MLLT1: variants seen among roughly 807,000 people sequenced by gnomAD.
The protein encoded by MLLT1 is protein ENL.
In MLLT1, 11 loss-of-function variants were observed where a neutral mutation model predicts 55.1. That is an observed-to-expected ratio of 0.20 (90% confidence interval 0.13 to 0.33). The LOEUF is 0.33. Among genes scored for constraint, MLLT1 ranks in the 10% least tolerant of loss-of-function variants. The pLI is 1.00. For missense variants in MLLT1, 536 were observed against 760.6 expected, an observed-to-expected ratio of 0.70 and a Z score of 3.47; for synonymous variants, 323 against 320.1, an observed-to-expected ratio of 1.01 and a Z score of -0.10.
At chr19:6,241,805 C>T (rs902167452) in intron 3 of MLLT1, among the ~76,000 whole-genome samples, 7 of 152,262 alleles carry the variant, frequency 4.6e-5, no homozygotes, top group African/African-American at 1.7e-4. Context: ...CGCATCCATG[C>T]GGCTTGTCAC....
intron 1 of MLLT1, among the ~76,000 whole-genome samples, chr19:6,278,421 G>A (rs1416991697): frequency 3.5e-5 from 4 of 115,154 alleles, no homozygotes; most frequent in Middle Eastern, 3.8e-3. Context: ...CGTCCAGAGC[G>A]TTTAGGGAGG....
chr19:6,246,256 C>T (rs1015681667), intron 3 of MLLT1, among the ~76,000 whole-genome samples: 2 of 152,062 alleles, frequency 1.3e-5, no homozygotes, highest in African/African-American at 4.8e-5. Context: ...TTAAATAGAC[C>T]CATATCATGT....
chr19:6,211,830 G>A lies in MLLT1; in HGVS notation c.*1212C>T. On this transcript the variant is annotated 3_prime_UTR_variant, in exon 12 of 12. Transcript: ENST00000252674. This position sits in a 1 kb window ranked among gnomAD's most constrained non-coding sequence, Gnocchi z 4.6. ...GGAAGGAGGACCGGCTTGGCCCCTG[G>A]AGAATCTCAGGCATACCAGGAGTGG... 1 of 1,064,200 alleles carries A rather than the reference G, an allele frequency of 9.4e-7. No homozygotes were observed. Among genetic ancestry groups the A allele is most frequent in the Non-Finnish European group, 1.1e-6 (1 of 878,540 alleles). The allele number at this position is 1,064,200 out of a possible 1,614,324, so 65.9% of individuals were successfully genotyped here.
chr19:6,274,240 G>A (rs1046684209), intron 1 of MLLT1, among the ~76,000 whole-genome samples: 1 of 152,240 alleles, frequency 6.6e-6, no homozygotes, highest in African/African-American at 2.4e-5. Context: ...TAGTAAAAAA[G>A]GAATCACAGA....
At position 6,212,813 on chromosome 19, in the gene MLLT1, G is replaced by A; in HGVS notation, c.*229C>T. ...CCGCTCTCTGAGGGGAGCCCAGAGAGCCCGGGGGGCGGCTCCCGTGTGGCC... is the reference window on the plus strand; with the variant it reads ...CCGCTCTCTGAGGGGAGCCCAGAGAACCCGGGGGGCGGCTCCCGTGTGGCC... On this transcript the variant is annotated 3_prime_UTR_variant, in exon 12 of 12. Transcript: ENST00000252674. The A allele has an allele frequency of 1.1e-6, 1 of 902,832 alleles. No individual in the cohort carries two copies. The highest frequency in any genetic ancestry group is 1.5e-6 in the Non-Finnish European group (1 of 651,456). The allele number at this position is 902,832 out of a possible 1,614,324, so 55.9% of individuals were successfully genotyped here.
chr19:6,229,054 G>A lies in MLLT1; in HGVS notation c.420+1516C>T, dbSNP rs1002597183. Among the ~76,000 whole-genome samples the A allele has an allele frequency of 6.6e-5, 10 of 152,192 alleles. No homozygotes were observed. Among genetic ancestry groups the A allele is most frequent in the Admixed American group, 6.5e-5 (1 of 15,294 alleles). On this transcript the variant is annotated intron_variant, in intron 4 of 11. Coordinates refer to ENST00000252674, the MANE Select transcript of MLLT1 (RefSeq NM_005934.4). The surrounding 1 kb of genome is among the most constrained non-coding windows in gnomAD (Gnocchi z 5.2). The stretch of plus-strand genomic sequence containing the variant: ...AGCAAAGGAAGCCGCCTCCCACAGG[G>A]AGCCAGGTCCTGGCTGCAGCCCAGA...
At chr19:6,241,472 G>A (rs1156990045) in intron 3 of MLLT1, among the ~76,000 whole-genome samples, 1 of 128,936 alleles carries the variant, frequency 7.8e-6, no homozygotes, top group East Asian at 2.0e-4. Flanking sequence ...GGTACATGCC[G>A]AGATAGGAAA....
intron 1 of MLLT1, among the ~76,000 whole-genome samples, chr19:6,278,047 G>C (rs1191825778): frequency 6.6e-6 from 1 of 152,178 alleles, no homozygotes; most frequent in Non-Finnish European, 1.5e-5. Context: ...TGTGCCACAG[G>C]CGCCGAGATG....
intron 3 of MLLT1, among the ~76,000 whole-genome samples, chr19:6,260,554 G>A (rs1358162238): frequency 6.6e-6 from 1 of 152,258 alleles, no homozygotes; most frequent in Non-Finnish European, 1.5e-5. Context: ...CCGAATCCAC[G>A]GGCAGCCCAC....
intron 8 of MLLT1, among the ~76,000 whole-genome samples, chr19:6,215,049 C>A (rs1363409826): frequency 6.6e-6 from 1 of 152,216 alleles, no homozygotes; most frequent in African/African-American, 2.4e-5. Flanking sequence ...CCGGCCTCTG[C>A]CCCGCATCCC....
intron 3 of MLLT1, among the ~76,000 whole-genome samples, chr19:6,243,142 T>C (rs1246592280): frequency 6.6e-6 from 1 of 152,068 alleles, no homozygotes; most frequent in Non-Finnish European, 1.5e-5. Context: ...GCTGGGAACG[T>C]AAAGCGGGAA....
In MLLT1 at chr19:6,240,973, C is replaced by G. The variant is rs1040895927; in HGVS notation, c.277-10260G>C. Among the ~76,000 whole-genome samples the G allele has an allele frequency of 6.6e-6, 1 of 152,292 alleles. No homozygotes were observed. The highest frequency in any genetic ancestry group is 2.4e-5 in the African/African-American group (1 of 41,562). ...CCAAACTTAATGATTTCTCCTCAGT[C>G]TGACACCAGAAAAGGCAGAAAGCAG... is the stretch of plus-strand genomic sequence containing the variant. On this transcript the variant is annotated intron_variant, in intron 3 of 11. Transcript: ENST00000252674. The surrounding 1 kb of genome is among the most constrained non-coding windows in gnomAD (Gnocchi z 4.7).
chr19:6,213,851 G>C, intron 9 of MLLT1, 54 bp from the exon 10 acceptor site: 4 of 1,594,300 alleles, frequency 2.5e-6, no homozygotes, highest in Non-Finnish European at 3.4e-6. Context: ...CCCCAGCCCC[G>C]AAGGCCCCAC....
At chr19:6,277,804 T>C (rs2091435066) in intron 1 of MLLT1, among the ~76,000 whole-genome samples, 1 of 152,222 alleles carries the variant, frequency 6.6e-6, no homozygotes, top group African/African-American at 2.4e-5. Flanking sequence ...GTGGGCTTCA[T>C]TGAAAGTGGA....
At chr19:6,267,076 G>A (rs1475054417) in intron 2 of MLLT1, among the ~76,000 whole-genome samples, 1 of 152,010 alleles carries the variant, frequency 6.6e-6, no homozygotes, top group African/African-American at 2.4e-5. Context: ...GTTCAGTCTG[G>A]GCAACACAGC....
rs1305950311 is a variant in MLLT1, at chr19:6,262,430, C to T, written c.194-120G>A. ...CCTCACAGGGGCTTGGCTGGCCTCT[C>T]GGGGGTGGCTTTTCAGGAGGTTAAG... On this transcript the variant is annotated intron_variant, in intron 2 of 11. Coordinates refer to ENST00000252674, the MANE Select transcript of MLLT1 (RefSeq NM_005934.4). The surrounding 1 kb of genome is among the most constrained non-coding windows in gnomAD (Gnocchi z 4.4). 1.6e-5 allele frequency: 12 copies of T among 754,834 alleles called. No individual in the cohort carries two copies. The highest frequency in any genetic ancestry group is 5.3e-5 in the African/African-American group (3 of 57,082). The allele number at this position is 754,834 out of a possible 1,614,324, so 46.8% of individuals were successfully genotyped here.
At position 6,256,735 on chromosome 19, in the gene MLLT1, C is replaced by T. The variant is rs2091260257; in HGVS notation, c.276+5493G>A. Among the ~76,000 whole-genome samples the T allele has an allele frequency of 6.6e-6, 1 of 152,136 alleles. No homozygotes were observed. The highest frequency in any genetic ancestry group is 6.5e-5 in the Admixed American group (1 of 15,276). On this transcript the variant is annotated intron_variant, in intron 3 of 11. Transcript: ENST00000252674. The surrounding 1 kb of genome is among the most constrained non-coding windows in gnomAD (Gnocchi z 4.1). Reference sequence around the variant, plus strand: ...CGCCACTGCACTCTAGCCTGGGCGACAGAGCCAGACTCCGTCTCAAAATAA... The same window carrying T: ...CGCCACTGCACTCTAGCCTGGGCGATAGAGCCAGACTCCGTCTCAAAATAA...
In MLLT1 at chr19:6,213,919, C is replaced by A. The variant is rs2233194; in HGVS notation, c.1407+20G>T. 1.4e-6 allele frequency: 2 copies of A among 1,467,484 alleles called. No homozygotes were observed. Among genetic ancestry groups the A allele is most frequent in the Non-Finnish European group, 9.1e-7 (1 of 1,094,238 alleles). 90.9% of individuals were successfully genotyped at this position (1,467,484 alleles called of 1,614,324 possible). A position where few individuals can be genotyped will look rare whatever the true frequency, so the allele number is the denominator to read the frequency against. ...AGCCCGGCCTCTGGTGCACCCCCTG[C>A]CTGCAGGCCCCAGGCTCACCTTGCT... On this transcript the variant is annotated intron_variant, in intron 9 of 11. Transcript: ENST00000252674.
chr19:6,233,172 G>A (rs969924249), intron 3 of MLLT1, among the ~76,000 whole-genome samples: 14 of 152,240 alleles, frequency 9.2e-5, no homozygotes, highest in African/African-American at 3.4e-4. Flanking sequence ...TGCAGTGCCG[G>A]ACGGCTCACA....
Sources: allele counts gnomAD v4.1 joint callset (sites outside exome capture counted in the v4.1 genomes callset), GRCh38; gene constraint gnomAD v4.1.1; non-coding constraint Gnocchi (gnomAD v3.1); transcripts MANE v1.5; gene names NCBI Gene and HGNC (gene_info 2026-07-23, HGNC 2026-07-21).